CCSER1: variants seen among roughly 807,000 people sequenced by gnomAD.
CCSER1 encodes serine-rich coiled-coil domain-containing protein 1.
CCSER1 carries 41 observed loss-of-function variants against 82.0 expected under a neutral mutation model. The ratio of observed to expected loss-of-function variants is 0.50; its 90% confidence interval spans 0.39 to 0.65. CCSER1 has a LOEUF of 0.65. Among genes scored for constraint, CCSER1 ranks in the 30% least tolerant of loss-of-function variants. The probability of loss-of-function intolerance (pLI) is 0.00; values close to 1 mark genes in which losing one functional copy is unlikely to be tolerated. For missense variants in CCSER1, 1,119 were observed against 1,064.2 expected (o/e 1.05, Z -0.72); for synonymous variants, 414 against 383.9 (o/e 1.08, Z -0.92).
At chr4:91,114,613 C>CT (rs1726389599) in intron 10 of CCSER1, among the ~76,000 whole-genome samples, 1 of 152,116 alleles carries the variant, frequency 6.6e-6, no homozygotes, top group African/African-American at 2.4e-5. Context: ...TTGAATGGAC[C>CT]TCATCCTGCT....
Position 90,558,650 on chromosome 4 carries a change from G to A in CCSER1, c.1725-69375G>A, listed in dbSNP as rs183448361. Among the ~76,000 whole-genome samples, 22 of 152,156 alleles carry A rather than the reference G, an allele frequency of 1.4e-4. No homozygotes were observed. The East Asian group carries it at 3.5e-3, about 24-fold the overall frequency. ...CTGCATACCTGGAACTGTGATAGGT[G>A]TTTCAAAGATAATCAGTATCTTTGT... On this transcript the variant is annotated intron_variant, in intron 5 of 10. Transcript: ENST00000509176.
intron 10 of CCSER1, among the ~76,000 whole-genome samples, chr4:91,403,289 T>G (rs1003083837): frequency 6.6e-6 from 1 of 152,168 alleles, no homozygotes; most frequent in Non-Finnish European, 1.5e-5. Flanking sequence ...ATTAAGGAGA[T>G]TTTGGGCTGA....
chr4:91,425,719 G>C (rs1011277217), intron 10 of CCSER1, among the ~76,000 whole-genome samples: 1 of 152,144 alleles, frequency 6.6e-6, no homozygotes, highest in Non-Finnish European at 1.5e-5. Context: ...GGTTTCCATA[G>C]ACTGGTAGAG....
intron 10 of CCSER1, among the ~76,000 whole-genome samples, chr4:91,369,296 A>T (rs28409340): frequency 0.76 from 115,575 of 152,134 alleles, 44,387 homozygotes; most frequent in East Asian, 0.9. Flanking sequence ...AACATGTAGA[A>T]CAGAGATCCA....
chr4:91,424,033 G>A (rs990796899), intron 10 of CCSER1, among the ~76,000 whole-genome samples: 8 of 99,750 alleles, frequency 8.0e-5, no homozygotes, highest in African/African-American at 3.3e-4. Context: ...TTTTTGAGAC[G>A]GAGTCTCGCT....
At chr4:91,195,666 A>T (rs989495460) in intron 10 of CCSER1, among the ~76,000 whole-genome samples, 2 of 152,138 alleles carry the variant, frequency 1.3e-5, no homozygotes, top group Non-Finnish European at 2.9e-5. Flanking sequence ...AATTTTAGTT[A>T]TTCTTATTAG....
chr4:91,220,036 GA>G (rs1450909599), intron 10 of CCSER1, among the ~76,000 whole-genome samples: 1 of 152,126 alleles, frequency 6.6e-6, no homozygotes, highest in Non-Finnish European at 1.5e-5. Flanking sequence ...GTGAGAATGG[GA>G]GATCCACAGT....
intron 9 of CCSER1, among the ~76,000 whole-genome samples, chr4:91,008,093 A>G (rs1184345915): frequency 6.6e-6 from 1 of 152,148 alleles, no homozygotes; most frequent in African/African-American, 2.4e-5. Context: ...TGGAAACAAT[A>G]CTTAATATAC....
At chr4:90,447,199 G>A (rs540422273) in intron 4 of CCSER1, among the ~76,000 whole-genome samples, 13 of 152,166 alleles carry the variant, frequency 8.5e-5, no homozygotes, top group African/African-American at 3.1e-4. Flanking sequence ...GTGAGAAAAT[G>A]GTCCTTTTTT....
At chr4:91,219,570 T>C (rs1022098166) in intron 10 of CCSER1, among the ~76,000 whole-genome samples, 23 of 152,144 alleles carry the variant, frequency 1.5e-4, no homozygotes, top group Non-Finnish European at 1.6e-4. Context: ...CCCAGAGTTC[T>C]GGGATTACAG....
intron 10 of CCSER1, among the ~76,000 whole-genome samples, chr4:91,527,469 C>T (rs1268847772): frequency 1.3e-5 from 2 of 151,924 alleles, no homozygotes; most frequent in Non-Finnish European, 2.9e-5. Context: ...AGAAAGAGAT[C>T]AATAAAGGCT....
chr4:90,267,597 TG>T (rs1725472541), intron 1 of CCSER1, among the ~76,000 whole-genome samples: 1 of 151,924 alleles, frequency 6.6e-6, no homozygotes, highest in Admixed American at 6.6e-5. Context: ...ACCACAGGGG[TG>T]CTTGTGTCAC....
intron 1 of CCSER1, among the ~76,000 whole-genome samples, chr4:90,128,251 G>A (rs1722161105): frequency 6.6e-6 from 1 of 152,088 alleles, no homozygotes; most frequent in Admixed American, 6.5e-5. Flanking sequence ...GGCGCCCCGG[G>A]CTGCGGGTGC....
Position 90,423,370 on chromosome 4 carries a change from C to T in CCSER1, c.1603+23241C>T, listed in dbSNP as rs558601752. 1.1e-4 allele frequency among the ~76,000 whole-genome samples: 16 copies of T among 152,114 alleles called. No individual in the cohort carries two copies. The South Asian group carries it at 1.2e-3, about 12-fold the overall frequency. ...CCTCCTGAGTAGCTGGGACTACAGG[C>T]GCGTGCCACCATGCCCGAATAATTT... On this transcript the variant is annotated intron_variant, in intron 4 of 10. Transcript: ENST00000509176.
chr4:90,423,049 GT>G (rs1376466914), intron 4 of CCSER1, among the ~76,000 whole-genome samples: 1 of 152,024 alleles, frequency 6.6e-6, no homozygotes, highest in Non-Finnish European at 1.5e-5. Context: ...GAAAGATCTA[GT>G]TTTTTTCACA....
chr4:91,021,920 T>G (rs1740011782), intron 9 of CCSER1, among the ~76,000 whole-genome samples: 1 of 152,174 alleles, frequency 6.6e-6, no homozygotes, highest in African/African-American at 2.4e-5. Flanking sequence ...AAATACAACA[T>G]ATATAGGTAT....
In CCSER1 at chr4:91,385,634, T is replaced by C. The variant is rs529308385; in HGVS notation, c.2218-212938T>C. ...AGCATTAGTAAACTGAAAGGGGACA[T>C]AGAAAAAGGAAAAAAAAAAGCTTAA... is the stretch of plus-strand genomic sequence containing the variant. On this transcript the variant is annotated intron_variant, in intron 10 of 10. Coordinates refer to ENST00000509176, the MANE Select transcript of CCSER1 (RefSeq NM_001145065.2). Among the ~76,000 whole-genome samples the C allele has an allele frequency of 1.8e-4, 27 of 151,034 alleles. 1 individual carries two copies. In the South Asian group the frequency reaches 2.7e-3, roughly 15 times the overall value.
At chr4:90,759,399 G>A (rs1262036989) in intron 7 of CCSER1, among the ~76,000 whole-genome samples, 1 of 152,146 alleles carries the variant, frequency 6.6e-6, no homozygotes, top group African/African-American at 2.4e-5. Context: ...CAGTAAAAGT[G>A]ACTTAATTTT....
chr4:90,614,636 T>G (rs1364760422), intron 5 of CCSER1, among the ~76,000 whole-genome samples: 1 of 152,150 alleles, frequency 6.6e-6, no homozygotes, highest in East Asian at 1.9e-4. Context: ...AGAAAAGCCC[T>G]AACTCTCTTT....
Sources: gnomAD v4.1 joint callset for allele counts (sites outside exome capture counted in the v4.1 genomes callset) on GRCh38, gnomAD v4.1.1 for gene constraint, MANE v1.5 for transcripts, NCBI Gene and HGNC (gene_info 2026-07-23, HGNC 2026-07-21) for gene names.